The following EHMT1 variants were observed in gnomAD, a reference collection of about 807,000 sequenced individuals.
EHMT1 encodes euchromatic histone lysine methyltransferase 1, also known as histone-lysine N-methyltransferase EHMT1.
EHMT1 carries 15 observed loss-of-function variants against 147.2 expected under a neutral mutation model. That is an observed-to-expected ratio of 0.10 (90% confidence interval 0.07 to 0.16). EHMT1 has a LOEUF of 0.16. Among genes scored for constraint, EHMT1 ranks in the 10% least tolerant of loss-of-function variants. The probability of loss-of-function intolerance (pLI) is 1.00; values close to 1 mark genes in which losing one functional copy is unlikely to be tolerated. For synonymous variants in EHMT1, 795 were observed against 709.6 expected (o/e 1.12, Z -1.91); for missense variants, 1,587 against 1,772.4 (o/e 0.90, Z 1.88).
At chr9:137,677,884 C>G (rs1345872259) in intron 1 of EHMT1, among the ~76,000 whole-genome samples, 3 of 151,240 alleles carry the variant, frequency 2.0e-5, no homozygotes, top group African/African-American at 7.3e-5. Context: ...CGGTGAAACC[C>G]CGTCTCGACT....
At chr9:137,742,314 T>TGTGTGTGTGG (rs1948167679) in intron 4 of EHMT1, among the ~76,000 whole-genome samples, 1 of 151,318 alleles carries the variant, frequency 6.6e-6, no homozygotes, top group African/African-American at 2.4e-5. Context: ...TGTGTGTGTG[T>TGTGTGTGTGG]GTGTGTGTGT....
At chr9:137,654,838 G>T (rs922387967) in intron 1 of EHMT1, among the ~76,000 whole-genome samples, 1 of 152,162 alleles carries the variant, frequency 6.6e-6, no homozygotes, top group Non-Finnish European at 1.5e-5. Context: ...GAGCCCACAG[G>T]GTGGTCAGAG....
intron 1 of EHMT1, among the ~76,000 whole-genome samples, chr9:137,628,985 A>G (rs1307703432): frequency 2.6e-5 from 4 of 151,518 alleles, no homozygotes. Flanking sequence ...CAATCATTTC[A>G]TTGGATTAAG....
Position 137,661,486 on chromosome 9 carries a change from C to CTTTT in EHMT1, c.21+42452_21+42455dup, listed in dbSNP as rs1195276514. On this transcript the variant is annotated intron_variant, in intron 1 of 26. Coordinates refer to ENST00000460843, the MANE Select transcript of EHMT1 (RefSeq NM_024757.5). ...TTTACCCCAGGTAGTTTTTGTACAT[C>CTTTT]TTTTTTTTTTTTTTTTTTGAGATGG... 5.7e-4 allele frequency among the ~76,000 whole-genome samples: 77 copies of CTTTT among 133,922 alleles called. 1 individual carries two copies. The highest frequency in any genetic ancestry group is 7.7e-3 in the Middle Eastern group (2 of 260). 87.9% of individuals were successfully genotyped at this position (133,922 alleles called of 152,430 possible).
intron 1 of EHMT1, among the ~76,000 whole-genome samples, chr9:137,669,061 A>G (rs969751851): frequency 1.6e-4 from 25 of 151,912 alleles, no homozygotes; most frequent in African/African-American, 5.6e-4. Flanking sequence ...TAATTTTTCT[A>G]TTTTTAGTAC....
intron 2 of EHMT1, among the ~76,000 whole-genome samples, chr9:137,714,530 G>A (rs1007352076): frequency 1.3e-5 from 2 of 148,966 alleles, no homozygotes; most frequent in African/African-American, 2.5e-5. Flanking sequence ...TTGTTGGGGG[G>A]TGCGGAGCTG....
intron 1 of EHMT1, among the ~76,000 whole-genome samples, chr9:137,631,938 G>A (rs1446397678): frequency 6.6e-6 from 1 of 152,140 alleles, no homozygotes; most frequent in Non-Finnish European, 1.5e-5. Context: ...ATCACGTCGT[G>A]GGCATTGCTT....
chr9:137,745,699 A>G (rs1948487903), intron 6 of EHMT1: 1 of 396,548 alleles, frequency 2.5e-6, no homozygotes, highest in Non-Finnish European at 4.4e-6. Context: ...CAGCTGTGTT[A>G]CGCTCTTTCT....
chr9:137,691,686 T>G (rs942813195), intron 1 of EHMT1, among the ~76,000 whole-genome samples: 5 of 152,220 alleles, frequency 3.3e-5, no homozygotes, highest in African/African-American at 1.2e-4. Context: ...CCATACTGTT[T>G]CCCATAGCAA....
Position 137,813,251 on chromosome 9 carries a change from C to A in EHMT1, c.3035+78C>A, listed in dbSNP as rs1954638466. ...TGGGAACTTGCGGTGAAAGCTGCTC[C>A]TGAAGCCGAAACATCCCCAGGCTGC... On this transcript the variant is annotated intron_variant, in intron 20 of 26. Transcript: ENST00000460843. The surrounding 1 kb of genome is among the most constrained non-coding windows in gnomAD (Gnocchi z 4.9). 2.5e-6 allele frequency: 4 copies of A among 1,572,224 alleles called. No individual in the cohort carries two copies. The highest frequency in any genetic ancestry group is 1.8e-5 in the Admixed American group (1 of 54,820).
chr9:137,824,459 CG>C (rs1564830675), intron 25 of EHMT1, among the ~76,000 whole-genome samples: 1 of 140,542 alleles, frequency 7.1e-6, no homozygotes, highest in Admixed American at 6.6e-5. Flanking sequence ...TCCTCATACT[CG>C]GTTTTTTTTT....
intron 15 of EHMT1, among the ~76,000 whole-genome samples, chr9:137,789,389 C>T (rs1952318094): frequency 6.6e-6 from 1 of 152,260 alleles, no homozygotes; most frequent in African/African-American, 2.4e-5. Flanking sequence ...TCTGGGGGAG[C>T]AGCCTCTGTG....
chr9:137,810,759 C>G (rs1449417045), intron 18 of EHMT1, among the ~76,000 whole-genome samples: 1 of 151,448 alleles, frequency 6.6e-6, no homozygotes, highest in Non-Finnish European at 1.5e-5. Context: ...AGTGCAGTGG[C>G]ACGTTCTCGG....
chr9:137,652,198 C>T (rs1028855322), intron 1 of EHMT1, among the ~76,000 whole-genome samples: 25 of 152,136 alleles, frequency 1.6e-4, no homozygotes, highest in African/African-American at 5.3e-4. Flanking sequence ...AGGTGGGAGA[C>T]GGTGATACGG....
At chr9:137,713,065 T>G (rs1320551071) in intron 2 of EHMT1, among the ~76,000 whole-genome samples, 1 of 152,142 alleles carries the variant, frequency 6.6e-6, no homozygotes, top group Non-Finnish European at 1.5e-5. Flanking sequence ...TCTTGCACCC[T>G]CGTTGAAAAT....
chr9:137,698,569 C>T (rs1396233604), intron 1 of EHMT1, among the ~76,000 whole-genome samples: 2 of 152,060 alleles, frequency 1.3e-5, no homozygotes, highest in Non-Finnish European at 2.9e-5. Flanking sequence ...GCTGGCTATC[C>T]CCAGGGCCCA....
chr9:137,762,874 C>T, intron 10 of EHMT1, 54 bp downstream of exon 10: 1 of 1,609,828 alleles, frequency 6.2e-7, no homozygotes, highest in Non-Finnish European at 8.5e-7. Context: ...TGAGAAAGCC[C>T]AGCCCAGCAG....
intron 1 of EHMT1, among the ~76,000 whole-genome samples, chr9:137,704,472 G>T (rs772626503): frequency 1.4e-4 from 22 of 152,064 alleles, no homozygotes; most frequent in Non-Finnish European, 2.6e-4. Context: ...ATAGTGTTTG[G>T]TTTTTTTAAT....
intron 6 of EHMT1, among the ~76,000 whole-genome samples, chr9:137,751,986 AT>A (rs1251986671): frequency 6.6e-6 from 1 of 152,232 alleles, no homozygotes; most frequent in African/African-American, 2.4e-5. Flanking sequence ...CATTCATAAG[AT>A]ACAGTGAGTA....
Sources: allele counts gnomAD v4.1 joint callset (sites outside exome capture counted in the v4.1 genomes callset), GRCh38; gene constraint gnomAD v4.1.1; non-coding constraint Gnocchi (gnomAD v3.1); transcripts MANE v1.5; gene names NCBI Gene and HGNC (gene_info 2026-07-23, HGNC 2026-07-21).